PCSK1: variants seen among roughly 807,000 people sequenced by gnomAD.
PCSK1 encodes proprotein convertase subtilisin/kexin type 1.
Under a neutral mutation model 90.6 loss-of-function variants are expected in PCSK1, and 56 were observed. The ratio of observed to expected loss-of-function variants is 0.62; its 90% CI spans 0.50 to 0.77. The LOEUF (loss-of-function observed/expected upper bound fraction) is 0.77. PCSK1 is among the 30% of genes least tolerant of loss of function. PCSK1 has a pLI of 0.00. For missense variants in PCSK1, 801 were observed against 932.6 expected, an observed-to-expected ratio of 0.86 and a Z score of 1.84; for synonymous variants, 348 against 342.4, an observed-to-expected ratio of 1.02 and a Z score of -0.18.
intron 1 of PCSK1, 32 bp downstream of exon 1, chr5:96,432,831 C>G: frequency 1.2e-6 from 2 of 1,604,536 alleles, no homozygotes; most frequent in African/African-American, 2.7e-5. Context: ...CCCTGGGGCC[C>G]CAGAAAGTTT....
chr5:96,401,447 G>A (rs1307016505), intron 9 of PCSK1, among the ~76,000 whole-genome samples: 1 of 152,212 alleles, frequency 6.6e-6, no homozygotes, highest in East Asian at 1.9e-4. Flanking sequence ...TGCCAGAAAG[G>A]GAGCTTATAC....
At chr5:96,414,487 C>A (rs1488120768) in intron 6 of PCSK1, among the ~76,000 whole-genome samples, 2 of 152,142 alleles carry the variant, frequency 1.3e-5, no homozygotes, top group Admixed American at 6.5e-5. Context: ...TGTTAACCAC[C>A]AGGATACACT....
intron 8 of PCSK1, among the ~76,000 whole-genome samples, chr5:96,409,671 G>A (rs1163332304): frequency 6.6e-6 from 1 of 152,198 alleles, no homozygotes; most frequent in African/African-American, 2.4e-5. Context: ...GACACCCAGG[G>A]AAATGACAAC....
At chr5:96,412,750 A>ATTTTTTTTTTTTTTTTTT (rs1451878228) in intron 6 of PCSK1, among the ~76,000 whole-genome samples, 2 of 63,386 alleles carry the variant, frequency 3.2e-5, no homozygotes, top group African/African-American at 1.6e-4. Context: ...GGCAGCTGTG[A>ATTTTTTTTTTTTTTTTTT]TGTTTTTTTT....
intron 4 of PCSK1, 114 bp downstream of exon 4, chr5:96,423,199 A>G (rs958376665): frequency 9.8e-7 from 1 of 1,025,366 alleles, no homozygotes; most frequent in Non-Finnish European, 1.5e-6. Flanking sequence ...ACCTTGGCCC[A>G]TAATCCCAGG....
intron 9 of PCSK1, among the ~76,000 whole-genome samples, chr5:96,406,827 C>T (rs1321172934): frequency 6.6e-6 from 1 of 152,220 alleles, no homozygotes; most frequent in East Asian, 1.9e-4. Context: ...AGTTTAATCA[C>T]TTCTTCTAAT....
rs1451395364 is a variant in PCSK1 at position 96,423,388 on chromosome 5, A to T, written c.468T>A (p.Ile156=). 2 of 1,613,902 alleles carry T rather than the reference A, an allele frequency of 1.2e-6. No individual in the cohort carries two copies. The stretch of plus-strand genomic sequence containing the variant: ...CGGTGATAACAACTCCTTTGCCCGT[A>T]ATGCCTTTTTGCCAAACAGGTATCA... ...LHVIPVWQKG[I]TGKGVVITVL... The change falls in exon 4 of 14, where the codon ATT becomes ATA. Residue 156 remains isoleucine (I), a synonymous_variant. Coordinates refer to ENST00000311106, the MANE Select transcript of PCSK1 (RefSeq NM_000439.5).
intron 10 of PCSK1, among the ~76,000 whole-genome samples, chr5:96,399,683 C>A (rs1216960677): frequency 6.6e-6 from 1 of 152,116 alleles, no homozygotes; most frequent in Non-Finnish European, 1.5e-5. Flanking sequence ...GGTGGTTGAT[C>A]ACAGTTTAAT....
At chr5:96,423,527 T>C in intron 3 of PCSK1, 68 bp from the exon 4 acceptor site, 1 of 1,417,348 alleles carries the variant, frequency 7.1e-7, no homozygotes, top group African/African-American at 1.4e-5. Flanking sequence ...GGCACTTCAG[T>C]TCCAACCTGG....
intron 5 of PCSK1, among the ~76,000 whole-genome samples, chr5:96,418,487 C>T (rs1761004283): frequency 6.6e-6 from 1 of 152,110 alleles, no homozygotes; most frequent in African/African-American, 2.4e-5. Flanking sequence ...GTAAGCATTA[C>T]CTGCACTGTT....
At chr5:96,415,848 C>T (rs1760922841) in intron 6 of PCSK1, among the ~76,000 whole-genome samples, 185 bp downstream of exon 6, 2 of 152,092 alleles carry the variant, frequency 1.3e-5, no homozygotes, top group African/African-American at 2.4e-5. Flanking sequence ...TTCAACTATC[C>T]ATTTTCTAGG....
At chr5:96,431,670 A>G (rs1305452487) in intron 1 of PCSK1, among the ~76,000 whole-genome samples, 1 of 152,112 alleles carries the variant, frequency 6.6e-6, no homozygotes, top group Non-Finnish European at 1.5e-5. Flanking sequence ...TTCAAAGACA[A>G]TTTGGTTTAT....
intron 6 of PCSK1, among the ~76,000 whole-genome samples, chr5:96,412,752 G>GTTTTTTTTTTTTTTTTTTTTTTTTTT (rs57397343): frequency 4.2e-5 from 3 of 71,806 alleles, no homozygotes; most frequent in African/African-American, 2.7e-4. Flanking sequence ...CAGCTGTGAT[G>GTTTTTTTTTTTTTTTTTTTTTTTTTT]TTTTTTTTTT....
At chr5:96,396,266 A>G (rs1460325201) in intron 12 of PCSK1, among the ~76,000 whole-genome samples, 1 of 152,232 alleles carries the variant, frequency 6.6e-6, no homozygotes, top group African/African-American at 2.4e-5. Context: ...ATTTATTTTC[A>G]AAAAGTTATC....
chr5:96,402,976 A>G (rs1368044013), intron 9 of PCSK1, among the ~76,000 whole-genome samples: 5 of 152,150 alleles, frequency 3.3e-5, no homozygotes, highest in African/African-American at 1.2e-4. Context: ...TTTAGGTAAA[A>G]GCCTCTTATC....
At chr5:96,421,804 TATATG>T in intron 5 of PCSK1, 71 bp downstream of exon 5, 1 of 840,108 alleles carries the variant, frequency 1.2e-6, no homozygotes, top group Non-Finnish European at 2.1e-6. Flanking sequence ...GTGGATGAAA[TATATG>T]GTATAATTTT....
rs1759951263 is a variant in PCSK1, at chr5:96,391,765, G to A, written c.*1236C>T. 6.6e-6 allele frequency: 1 copy of A among 152,072 alleles called. No individual in the cohort carries two copies. The highest frequency in any genetic ancestry group is 1.5e-5 in the Non-Finnish European group (1 of 67,992). 9.4% of individuals were successfully genotyped at this position (152,072 alleles called of 1,614,324 possible). On this transcript the variant is annotated 3_prime_UTR_variant, in exon 14 of 14. Coordinates refer to ENST00000311106, the MANE Select transcript of PCSK1 (RefSeq NM_000439.5). The stretch of plus-strand genomic sequence containing the variant: ...CTAACTGTTGCCATGAGCAAAGATG[G>A]GTCCGAGAATGAGGTTTTATGTGAA...
intron 1 of PCSK1, among the ~76,000 whole-genome samples, chr5:96,429,750 T>C (rs1037986574): frequency 2.0e-5 from 3 of 152,180 alleles, no homozygotes; most frequent in Non-Finnish European, 2.9e-5. Flanking sequence ...AATAATGGCC[T>C]CCAGCTCCAT....
chr5:96,426,703 A>T (rs1247248583), intron 2 of PCSK1, among the ~76,000 whole-genome samples: 1 of 152,170 alleles, frequency 6.6e-6, no homozygotes, highest in African/African-American at 2.4e-5. Flanking sequence ...TCTTGGCAAT[A>T]TGACTATTTC....
Sources: allele counts gnomAD v4.1 joint callset (sites outside exome capture counted in the v4.1 genomes callset), GRCh38; gene constraint gnomAD v4.1.1; transcripts MANE v1.5; gene names NCBI Gene and HGNC (gene_info 2026-07-23, HGNC 2026-07-21).